The following OR2L13 variants were observed in gnomAD, a reference collection of about 807,000 sequenced individuals.
OR2L13 encodes the protein olfactory receptor family 2 subfamily L member 13.
In OR2L13, 14 loss-of-function variants were observed where a neutral mutation model predicts 15.3. The ratio of observed to expected loss-of-function variants is 0.91; its 90% CI spans 0.60 to 1.43. The LOEUF is 1.43. Among genes scored for constraint, OR2L13 ranks in the 40% most tolerant of loss-of-function variants. The pLI is 0.00. For synonymous variants in OR2L13, 152 were observed against 142.9 expected, an observed-to-expected ratio of 1.06 and a Z score of -0.45; for missense variants, 367 against 387.9, an observed-to-expected ratio of 0.95 and a Z score of 0.45.
the OR2L13 span, among the ~76,000 whole-genome samples, chr1:248,057,581 G>C: frequency 2.0e-5 from 3 of 151,976 alleles, no homozygotes; most frequent in Non-Finnish European, 1.5e-5. Context: ...GGTGACTTTG[G>C]CTGTTGTTGA....
At chr1:248,020,730 T>A in the OR2L13 span, among the ~76,000 whole-genome samples, 2 of 152,142 alleles carry the variant, frequency 1.3e-5, no homozygotes, top group Admixed American at 1.3e-4. Flanking sequence ...TAATGATGTC[T>A]GACTTAGAGA....
the OR2L13 span, among the ~76,000 whole-genome samples, chr1:247,986,486 C>T: frequency 6.6e-6 from 1 of 152,098 alleles, no homozygotes; most frequent in Non-Finnish European, 1.5e-5. Flanking sequence ...TGTTTCGGTA[C>T]CAGTACCATG....
the OR2L13 span, chr1:248,022,941 A>C: frequency 6.8e-7 from 1 of 1,472,642 alleles, no homozygotes; most frequent in East Asian, 2.3e-5. Context: ...TCAGCAGTGT[A>C]CAGCAGTGAA....
At chr1:247,961,137 G>A in the OR2L13 span, among the ~76,000 whole-genome samples, 1 of 152,136 alleles carries the variant, frequency 6.6e-6, no homozygotes, top group Non-Finnish European at 1.5e-5. Context: ...TAAAAATCGG[G>A]TGGCTCATAA....
the OR2L13 span, among the ~76,000 whole-genome samples, chr1:248,012,914 G>A: frequency 6.6e-6 from 1 of 151,598 alleles, no homozygotes; most frequent in African/African-American, 2.4e-5. Context: ...TGTAAACCAT[G>A]AAAAATTTGA....
At chr1:247,992,754 T>C in the OR2L13 span, among the ~76,000 whole-genome samples, 1 of 152,172 alleles carries the variant, frequency 6.6e-6, no homozygotes, top group African/African-American at 2.4e-5. Context: ...ATATGTAGCA[T>C]ATTTTCTTAT....
At chr1:247,970,648 C>T in the OR2L13 span, among the ~76,000 whole-genome samples, 2 of 152,124 alleles carry the variant, frequency 1.3e-5, no homozygotes, top group Non-Finnish European at 2.9e-5. Context: ...AATTAATCTT[C>T]ACTATATTCC....
At chr1:247,991,993 T>C in the OR2L13 span, among the ~76,000 whole-genome samples, 1 of 149,242 alleles carries the variant, frequency 6.7e-6, no homozygotes, top group Non-Finnish European at 1.5e-5. Flanking sequence ...GGTGAGTGAC[T>C]GATAGGAAGT....
chr1:247,990,974 C>T, the OR2L13 span: 1 of 1,490,438 alleles, frequency 6.7e-7, no homozygotes, highest in Non-Finnish European at 9.4e-7. Flanking sequence ...AGGAAGAAGG[C>T]CTATTCGACC....
the OR2L13 span, chr1:248,061,800 AC>A: frequency 8.6e-6 from 4 of 462,722 alleles, no homozygotes; most frequent in African/African-American, 4.0e-5. Flanking sequence ...ACTCCAAACA[AC>A]CTTTTTTCTT....
chr1:247,969,494 G>A, the OR2L13 span, among the ~76,000 whole-genome samples: 2 of 152,172 alleles, frequency 1.3e-5, no homozygotes, highest in African/African-American at 2.4e-5. Context: ...TATTAACAAA[G>A]TGTAGGCTAG....
At chr1:248,047,223 A>G in the OR2L13 span, among the ~76,000 whole-genome samples, 1 of 152,156 alleles carries the variant, frequency 6.6e-6, no homozygotes, top group African/African-American at 2.4e-5. Flanking sequence ...GCATTTCCTC[A>G]TTCCTACTTG....
At chr1:248,081,372 T>C in the OR2L13 span, among the ~76,000 whole-genome samples, 2 of 152,310 alleles carry the variant, frequency 1.3e-5, no homozygotes, top group Admixed American at 1.3e-4. Context: ...TGCTTGGAGA[T>C]AAAGTTCATT....
chr1:248,062,335 G>T, the OR2L13 span: 1 of 152,162 alleles, frequency 6.6e-6, no homozygotes, highest in Non-Finnish European at 1.5e-5. Flanking sequence ...AGTTGATTTG[G>T]ATATAGTGTA....
chr1:247,949,023 A>T, the OR2L13 span: 1 of 1,613,802 alleles, frequency 6.2e-7, no homozygotes, highest in Non-Finnish European at 8.5e-7. Context: ...CCATCTCCAC[A>T]CACCCATGTA....
At chr1:247,987,555 A>T in the OR2L13 span, among the ~76,000 whole-genome samples, 1 of 152,182 alleles carries the variant, frequency 6.6e-6, no homozygotes, top group East Asian at 1.9e-4. Context: ...CAAGTAATGC[A>T]TAGACATGGT....
chr1:247,976,392 C>T, the OR2L13 span, among the ~76,000 whole-genome samples: 1 of 152,168 alleles, frequency 6.6e-6, no homozygotes, highest in Admixed American at 6.5e-5. Flanking sequence ...ATCCTCTGCT[C>T]CACTATTTTT....
At chr1:248,016,217 T>A in the OR2L13 span, among the ~76,000 whole-genome samples, 1 of 152,240 alleles carries the variant, frequency 6.6e-6, no homozygotes, top group African/African-American at 2.4e-5. Context: ...TAATATGTAA[T>A]TCACTTGCAA....
At chr1:248,017,494 G>A in the OR2L13 span, among the ~76,000 whole-genome samples, 1 of 152,212 alleles carries the variant, frequency 6.6e-6, no homozygotes, top group South Asian at 2.1e-4. Flanking sequence ...GCAAAGTCAT[G>A]TTAACAAGAG....
Sources: allele counts gnomAD v4.1 joint callset (sites outside exome capture counted in the v4.1 genomes callset), GRCh38; gene constraint gnomAD v4.1.1; transcripts MANE v1.5; gene names NCBI Gene and HGNC (gene_info 2026-07-23, HGNC 2026-07-21).